The following LGSN variants were observed in gnomAD, a reference collection of about 807,000 sequenced individuals.
The protein encoded by LGSN is lengsin, lens protein with glutamine synthetase domain.
In LGSN, 21 loss-of-function variants were observed where a neutral mutation model predicts 19.5. The ratio of observed to expected loss-of-function variants is 1.07; its 90% CI spans 0.76 to 1.55. The LOEUF is 1.55. LGSN is among the 40% of genes most tolerant of loss of function. The pLI is 0.00. For synonymous variants in LGSN, 257 were observed against 215.6 expected, an observed-to-expected ratio of 1.19 and a Z score of -1.68; for missense variants, 673 against 608.5, an observed-to-expected ratio of 1.11 and a Z score of -1.12.
the LGSN span, among the ~76,000 whole-genome samples, chr6:63,525,190 T>C: frequency 1.3e-5 from 2 of 152,210 alleles, no homozygotes; most frequent in African/African-American, 2.4e-5. Context: ...AAATTCTCAA[T>C]TGTAAATAAG....
the LGSN span, among the ~76,000 whole-genome samples, chr6:63,328,332 G>A: frequency 6.6e-6 from 1 of 152,158 alleles, no homozygotes; most frequent in African/African-American, 2.4e-5. Context: ...TGCTCGATTG[G>A]TTCCCCATCC....
chr6:63,553,027 C>T, the LGSN span, among the ~76,000 whole-genome samples: 2 of 152,140 alleles, frequency 1.3e-5, no homozygotes, highest in African/African-American at 2.4e-5. Context: ...GGTAGTTGCA[C>T]GAGAGTCTTC....
the LGSN span, among the ~76,000 whole-genome samples, chr6:63,412,466 A>AAGGAAAGAAAGAAAG: frequency 8.1e-6 from 1 of 123,962 alleles, no homozygotes; most frequent in African/African-American, 4.0e-5. Flanking sequence ...AAGAAAGAAA[A>AAGGAAAGAAAGAAAG]AGAGAGAGAA....
chr6:63,388,775 C>T, the LGSN span, among the ~76,000 whole-genome samples: 1 of 152,184 alleles, frequency 6.6e-6, no homozygotes, highest in Non-Finnish European at 1.5e-5. Flanking sequence ...GGATAACTGG[C>T]TTCGAGGGCC....
the LGSN span, among the ~76,000 whole-genome samples, chr6:63,488,321 C>A: frequency 6.6e-6 from 1 of 152,148 alleles, no homozygotes; most frequent in Non-Finnish European, 1.5e-5. Context: ...ACTATTCTCC[C>A]TTTGCAAGTG....
chr6:63,461,674 C>T, the LGSN span, among the ~76,000 whole-genome samples: 2,782 of 152,314 alleles, frequency 0.018, 36 homozygotes, highest in Non-Finnish European at 0.029. Flanking sequence ...ATTAACTACT[C>T]TACATTGGAC....
the LGSN span, among the ~76,000 whole-genome samples, chr6:63,524,265 G>A: frequency 3.3e-5 from 5 of 152,158 alleles, no homozygotes; most frequent in Admixed American, 6.5e-5. Flanking sequence ...GATTACAGAC[G>A]TGAGCCCCCA....
chr6:63,383,053 C>A, the LGSN span, among the ~76,000 whole-genome samples: 1 of 152,138 alleles, frequency 6.6e-6, no homozygotes, highest in Non-Finnish European at 1.5e-5. Context: ...ACTGCTTAAC[C>A]TTTCCTGCTT....
At chr6:63,473,545 A>G in the LGSN span, among the ~76,000 whole-genome samples, 5 of 150,384 alleles carry the variant, frequency 3.3e-5, no homozygotes, top group Non-Finnish European at 4.4e-5. Flanking sequence ...TGTCTCAGCC[A>G]CACCAGTCCT....
the LGSN span, among the ~76,000 whole-genome samples, chr6:63,405,670 A>T: frequency 1.3e-5 from 2 of 152,194 alleles, no homozygotes; most frequent in African/African-American, 4.8e-5. Context: ...AAATTCACAC[A>T]TAACAATATT....
chr6:63,533,820 T>G, the LGSN span, among the ~76,000 whole-genome samples: 1 of 146,242 alleles, frequency 6.8e-6, no homozygotes, highest in Non-Finnish European at 1.5e-5. Context: ...AGCAAATTCC[T>G]GAACAAACTT....
the LGSN span, among the ~76,000 whole-genome samples, chr6:63,510,579 T>C: frequency 1.3e-5 from 2 of 150,988 alleles, no homozygotes; most frequent in Non-Finnish European, 3.0e-5. Context: ...TTTCGTTCAA[T>C]ATCTATTATG....
chr6:63,509,738 G>T, the LGSN span, among the ~76,000 whole-genome samples: 1 of 152,136 alleles, frequency 6.6e-6, no homozygotes, highest in Non-Finnish European at 1.5e-5. Flanking sequence ...TAGAGCTAGG[G>T]GAAATCATAA....
the LGSN span, among the ~76,000 whole-genome samples, chr6:63,559,735 ACT>A: frequency 3.3e-5 from 5 of 151,012 alleles, no homozygotes; most frequent in Admixed American, 3.3e-4. Context: ...ACAGAATGAG[ACT>A]CTGTCTCAAA....
chr6:63,327,851 G>A, the LGSN span, among the ~76,000 whole-genome samples: 15 of 151,394 alleles, frequency 9.9e-5, no homozygotes, highest in East Asian at 7.8e-4. Context: ...TCTGCCAGCC[G>A]CTTATGCTGC....
At chr6:63,297,621 G>A (rs563399513) in intron 1 of LGSN, among the ~76,000 whole-genome samples, 5 of 152,106 alleles carry the variant, frequency 3.3e-5, no homozygotes, top group African/African-American at 9.6e-5. Flanking sequence ...TTACACTTAG[G>A]TGCAATGTGA....
chr6:63,412,767 G>GAAACAAAC, the LGSN span, among the ~76,000 whole-genome samples: 1 of 16,842 alleles, frequency 5.9e-5, no homozygotes, highest in Non-Finnish European at 1.4e-4. Context: ...AAGAAAGAAA[G>GAAACAAAC]AAAGGAAGGA....
chr6:63,489,618 C>G, the LGSN span, among the ~76,000 whole-genome samples: 8 of 152,232 alleles, frequency 5.3e-5, no homozygotes, highest in Non-Finnish European at 1.0e-4. Context: ...GATCCACACA[C>G]CTTGGCCTCC....
the LGSN span, among the ~76,000 whole-genome samples, chr6:63,505,680 T>C: frequency 1.4e-5 from 2 of 144,236 alleles, no homozygotes; most frequent in African/African-American, 5.4e-5. Flanking sequence ...TTTTGTTTTG[T>C]TTTTTGTTTC....
Sources: allele counts gnomAD v4.1 joint callset (sites outside exome capture counted in the v4.1 genomes callset), GRCh38; gene constraint gnomAD v4.1.1; transcripts MANE v1.5; gene names NCBI Gene and HGNC (gene_info 2026-07-23, HGNC 2026-07-21).